TMEM63A: variants seen among roughly 807,000 people sequenced by gnomAD.
TMEM63A encodes the protein transmembrane protein 63A, also known as mechanosensitive cation channel TMEM63A.
A neutral mutation model predicts 100.6 loss-of-function variants in TMEM63A; 76 were observed. The ratio of observed to expected loss-of-function variants is 0.76; its 90% CI spans 0.63 to 0.91. The LOEUF (loss-of-function observed/expected upper bound fraction) is 0.91, where lower values mean the gene tolerates loss of function less well. Among genes scored for constraint, TMEM63A ranks in the 40% least tolerant of loss-of-function variants. The pLI is 0.00. For synonymous variants in TMEM63A, 401 were observed against 401.1 expected (o/e 1.00, Z 0.00); for missense variants, 876 against 1,008.8 (o/e 0.87, Z 1.78).
chr1:225,868,871 C>T (rs1670350765), intron 6 of TMEM63A, among the ~76,000 whole-genome samples: 1 of 152,050 alleles, frequency 6.6e-6, no homozygotes. Flanking sequence ...CCCTTTCCCA[C>T]CCTTGGAGTG....
chr1:225,849,025 G>A lies in TMEM63A; in HGVS notation c.2072-13C>T, dbSNP rs755113886. 11 of 1,555,976 alleles carry A rather than the reference G, an allele frequency of 7.1e-6. No individual in the cohort carries two copies. Among genetic ancestry groups the A allele is most frequent in the Non-Finnish European group, 9.6e-6 (11 of 1,145,566 alleles). ...GGGGCCTTCATACCTGGTGATAGAGGGTGGCTAGCCTTGGGGTGGGCAGGG... is the reference window on the plus strand; with the variant it reads ...GGGGCCTTCATACCTGGTGATAGAGAGTGGCTAGCCTTGGGGTGGGCAGGG... On this transcript the variant is annotated splice_polypyrimidine_tract_variant and intron_variant, in intron 21 of 24. Transcript: ENST00000366835.
At chr1:225,872,595 T>C (rs969527421) in intron 4 of TMEM63A, among the ~76,000 whole-genome samples, 1 of 152,184 alleles carries the variant, frequency 6.6e-6, no homozygotes, top group African/African-American at 2.4e-5. Flanking sequence ...TGTGGCATTT[T>C]AATCAGATCC....
chr1:225,874,394 AAGC>A, intron 3 of TMEM63A, 27 bp from the exon 4 acceptor site: 1 of 1,599,450 alleles, frequency 6.3e-7, no homozygotes, highest in South Asian at 1.1e-5. Flanking sequence ...AACCAAGTAA[AAGC>A]ATATTGGATG....
Position 225,855,863 on chromosome 1 carries a change from C to T in TMEM63A, c.1634+15G>A, listed in dbSNP as rs767476553. On this transcript the variant is annotated intron_variant, in intron 18 of 24. Coordinates refer to ENST00000366835, the MANE Select transcript of TMEM63A (RefSeq NM_014698.3). ...CCAGGGCCATGGCTCCAGAACTCAA[C>T]TTGGCAATACTCACTCCAACCTGAT... 6 of 1,613,496 alleles carry T rather than the reference C, an allele frequency of 3.7e-6. No homozygotes were observed. In the South Asian group the frequency reaches 4.4e-5, roughly 12 times the overall value.
At position 225,867,148 on chromosome 1, in the gene TMEM63A, C is replaced by T; in HGVS notation, c.530G>A (p.Ser177Asn). ...GTTTGCTATTGTTGTCCTCCCAAAA[C>T]TATACGGGTCTTTGTCTGCAGAGAA... ...SGDLLDKDPY[S>N]FGRTTIANLQ... The change falls in exon 8 of 25, where the codon AGT becomes AAT. Residue 177 changes from serine to asparagine, a missense_variant. This residue lies in a region of TMEM63A where 487 missense variants were observed against 581.9 expected (regional missense o/e 0.84). Transcript: ENST00000366835. This position sits in a 1 kb window ranked among gnomAD's most constrained non-coding sequence, Gnocchi z 4.6. 1 of 1,614,186 alleles carries T rather than the reference C, an allele frequency of 6.2e-7. No homozygotes were observed. Among genetic ancestry groups the T allele is most frequent in the Non-Finnish European group, 8.5e-7 (1 of 1,180,040 alleles).
chr1:225,856,505 G>GC, intron 17 of TMEM63A, 147 bp downstream of exon 17: 2 of 698,344 alleles, frequency 2.9e-6, no homozygotes, highest in Non-Finnish European at 4.9e-6. Context: ...CAATGACCCA[G>GC]CCCTACTGCA....
intron 14 of TMEM63A, 106 bp from the exon 15 acceptor site, chr1:225,859,455 G>C (rs1669823406): frequency 1.4e-6 from 2 of 1,403,982 alleles, no homozygotes; most frequent in East Asian, 2.4e-5. Flanking sequence ...TAGCCTGGGG[G>C]CAAGTTCTCT....
rs956049586 is a variant in TMEM63A, at chr1:225,866,402, T to C, written c.675+172A>G. The C allele has an allele frequency of 1.7e-5, 10 of 601,412 alleles. No homozygotes were observed. In the African/African-American group the frequency reaches 1.9e-4, roughly 11 times the overall value. 37.3% of individuals were successfully genotyped at this position (601,412 alleles called of 1,614,324 possible). On this transcript the variant is annotated intron_variant, in intron 9 of 24. Coordinates refer to ENST00000366835, the MANE Select transcript of TMEM63A (RefSeq NM_014698.3). The stretch of plus-strand genomic sequence containing the variant: ...ATCTTGAAACAATCCACCAGGAAAC[T>C]GTTTTTTTTAAAGATGGTGCCAAGT...
chr1:225,845,565 C>T lies in TMEM63A; in HGVS notation c.*1374G>A, dbSNP rs554516725. 1.3e-5 allele frequency: 8 copies of T among 605,666 alleles called. No homozygotes were observed. The highest frequency in any genetic ancestry group is 5.6e-5 in the East Asian group (2 of 35,960). 37.5% of individuals were successfully genotyped at this position (605,666 alleles called of 1,614,324 possible). On this transcript the variant is annotated 3_prime_UTR_variant, in exon 25 of 25. Transcript: ENST00000366835. ...ATGATAAACGACTTTACTCTAAAAG[C>T]GGCTGGAACTCAGTGACATGAGCGT...
At position 225,856,745 on chromosome 1, in the gene TMEM63A, GA is replaced by G. The variant is rs1436282498; in HGVS notation, c.1485-8del. On this transcript the variant is annotated splice_polypyrimidine_tract_variant and splice_region_variant and intron_variant, in intron 16 of 24. Transcript: ENST00000366835. Reference sequence around the variant, plus strand: ...GATCTGGTTTTCCCCCGACCTGCAGGAAGTCAAAGGTGAGCACTCGCAGTCC... The same window carrying G: ...GATCTGGTTTTCCCCCGACCTGCAGGAGTCAAAGGTGAGCACTCGCAGTCC... 1 of 1,612,090 alleles carries G rather than the reference GA, an allele frequency of 6.2e-7. No individual in the cohort carries two copies. The highest frequency in any genetic ancestry group is 8.5e-7 in the Non-Finnish European group (1 of 1,179,428).
At position 225,862,413 on chromosome 1, in the gene TMEM63A, A is replaced by G; in HGVS notation, c.951+42T>C. 1 of 1,613,828 alleles carries G rather than the reference A, an allele frequency of 6.2e-7. No homozygotes were observed. The highest frequency in any genetic ancestry group is 8.5e-7 in the Non-Finnish European group (1 of 1,179,754). ...CCATGCTGGTATCTGGGGCACCCCG[A>G]TGCCAATGCCTCTGCTCCCAGCCGG... On this transcript the variant is annotated intron_variant, in intron 12 of 24. Transcript: ENST00000366835. This position sits in a 1 kb window ranked among gnomAD's most constrained non-coding sequence, Gnocchi z 5.1.
At chr1:225,843,230 G>C (rs1668583401), downstream of TMEM63A, among the ~76,000 whole-genome samples, 1 of 152,214 alleles carries the variant, frequency 6.6e-6, no homozygotes, top group African/African-American at 2.4e-5. Context: ...CTAAGCGGCA[G>C]AGAGGGGAAA....
chr1:225,846,424 G>T lies in TMEM63A; in HGVS notation c.*515C>A, dbSNP rs1668993791. ...CAGAACTCTAGCGGGATACAGAGAT[G>T]TGTGCACAGCTGGCAGGAGCACTGG... On this transcript the variant is annotated 3_prime_UTR_variant, in exon 25 of 25. Coordinates refer to ENST00000366835, the MANE Select transcript of TMEM63A (RefSeq NM_014698.3). 1 of 152,612 alleles carries T rather than the reference G, an allele frequency of 6.6e-6. No homozygotes were observed. The highest frequency in any genetic ancestry group is 2.4e-5 in the African/African-American group (1 of 41,484). The allele number at this position is 152,612 out of a possible 1,614,324, so 9.5% of individuals were successfully genotyped here. A position where few individuals can be genotyped will look rare whatever the true frequency, so the allele number is the denominator to read the frequency against.
intron 19 of TMEM63A, 135 bp from the exon 20 acceptor site, chr1:225,852,904 A>G: frequency 1.4e-6 from 1 of 734,934 alleles, no homozygotes; most frequent in Non-Finnish European, 2.3e-6. Context: ...CCCGCCTCCC[A>G]AGGTCCTTCC....
chr1:225,874,241 C>G, intron 4 of TMEM63A, 47 bp downstream of exon 4: 1 of 1,564,696 alleles, frequency 6.4e-7, no homozygotes, highest in South Asian at 1.1e-5. Flanking sequence ...TATACACACT[C>G]ACACGTACGC....
chr1:225,865,763 G>T lies in TMEM63A; in HGVS notation c.746+134C>A. On this transcript the variant is annotated intron_variant, in intron 10 of 24. Coordinates refer to ENST00000366835, the MANE Select transcript of TMEM63A (RefSeq NM_014698.3). This position sits in a 1 kb window ranked among gnomAD's most constrained non-coding sequence, Gnocchi z 4.6. Reference sequence around the variant, plus strand: ...ACTCCATACACGTGTGGCAGGGCCAGGTCCTTCTCAGATCTCACCTGGATA... The same window carrying T: ...ACTCCATACACGTGTGGCAGGGCCATGTCCTTCTCAGATCTCACCTGGATA... 2.3e-6 allele frequency: 2 copies of T among 862,410 alleles called. No homozygotes were observed. Among genetic ancestry groups the T allele is most frequent in the Non-Finnish European group, 3.7e-6 (2 of 547,152 alleles). 53.4% of individuals were successfully genotyped at this position (862,410 alleles called of 1,614,324 possible). A position where few individuals can be genotyped will look rare whatever the true frequency, so the allele number is the denominator to read the frequency against.
chr1:225,845,077 C>T, downstream of TMEM63A: 1 of 1,546,236 alleles, frequency 6.5e-7, no homozygotes, highest in South Asian at 1.1e-5. Context: ...GCGCTTTAAC[C>T]CCCTGCTGTG....
chr1:225,857,396 G>A (rs1669691871), intron 15 of TMEM63A, among the ~76,000 whole-genome samples: 1 of 105,930 alleles, frequency 9.4e-6, no homozygotes, highest in Non-Finnish European at 1.9e-5. Context: ...GGGGGGGGGG[G>A]GTGCCCTGCC....
chr1:225,873,360 G>A (rs372346120), intron 4 of TMEM63A, among the ~76,000 whole-genome samples: 4 of 152,144 alleles, frequency 2.6e-5, no homozygotes, highest in Admixed American at 1.3e-4. Context: ...CAGGGATCAC[G>A]GGGAAAGATG....
Sources: allele counts gnomAD v4.1 joint callset (sites outside exome capture counted in the v4.1 genomes callset), GRCh38; gene constraint gnomAD v4.1.1; regional missense constraint gnomAD v4.1.1; non-coding constraint Gnocchi (gnomAD v3.1); transcripts MANE v1.5; gene names NCBI Gene and HGNC (gene_info 2026-07-23, HGNC 2026-07-21).